AUTS2: variants seen among roughly 807,000 people sequenced by gnomAD.
The protein encoded by AUTS2 is autism susceptibility gene 2 protein.
A neutral mutation model predicts 112.4 loss-of-function variants in AUTS2; 17 were observed. The ratio of observed to expected loss-of-function variants is 0.15; its 90% CI spans 0.10 to 0.23. AUTS2 has a LOEUF of 0.23. AUTS2 is among the 10% of genes least tolerant of loss of function. The pLI is 1.00. For missense variants in AUTS2, 1,510 were observed against 1,701.6 expected (o/e 0.89, Z 1.98); for synonymous variants, 751 against 702.7 (o/e 1.07, Z -1.09).
intron 1 of AUTS2, among the ~76,000 whole-genome samples, chr7:69,839,997 T>C (rs974934721): frequency 1.3e-5 from 2 of 152,102 alleles, no homozygotes; most frequent in Non-Finnish European, 2.9e-5. Context: ...TGGGAACTTA[T>C]TAGAAAGGCA....
At chr7:69,883,924 G>T (rs533471075) in intron 1 of AUTS2, among the ~76,000 whole-genome samples, 7 of 152,228 alleles carry the variant, frequency 4.6e-5, no homozygotes, top group Non-Finnish European at 1.0e-4. Flanking sequence ...GCTGTGATGG[G>T]GATTTCACTT....
intron 2 of AUTS2, among the ~76,000 whole-genome samples, chr7:70,005,383 G>C (rs1799501126): frequency 6.6e-6 from 1 of 152,118 alleles, no homozygotes; most frequent in Admixed American, 6.6e-5. Context: ...TTCATACTTT[G>C]AATTGCTAGT....
chr7:70,223,311 G>T (rs150632622), intron 4 of AUTS2, among the ~76,000 whole-genome samples: 1 of 152,052 alleles, frequency 6.6e-6, no homozygotes, highest in Non-Finnish European at 1.5e-5. Flanking sequence ...ATAGTAGTTC[G>T]GTTTACATTC....
chr7:69,920,932 C>G (rs1297990456), intron 2 of AUTS2, among the ~76,000 whole-genome samples: 2 of 152,198 alleles, frequency 1.3e-5, no homozygotes, highest in Admixed American at 1.3e-4. Context: ...AAAAAATACT[C>G]TTGGAAAAGT....
chr7:70,615,939 T>C (rs1298667535), intron 5 of AUTS2, among the ~76,000 whole-genome samples: 1 of 152,046 alleles, frequency 6.6e-6, no homozygotes, highest in Non-Finnish European at 1.5e-5. Context: ...GAGGTAGGGT[T>C]TTGCCATGTT....
chr7:69,630,120 A>G (rs950669251), intron 1 of AUTS2, among the ~76,000 whole-genome samples: 4 of 152,120 alleles, frequency 2.6e-5, no homozygotes, highest in African/African-American at 4.8e-5. Flanking sequence ...AGCCAGGCGT[A>G]GTGGTGCACA....
intron 1 of AUTS2, among the ~76,000 whole-genome samples, chr7:69,710,096 CCCTATTGTCAAAAAA>C (rs1196801845): frequency 6.6e-6 from 1 of 152,088 alleles, no homozygotes; most frequent in Non-Finnish European, 1.5e-5. Context: ...TTTTCTAGCT[CCCTATTGTCAAAAAA>C]CAAAGCAAAA....
At chr7:70,519,102 G>T (rs973086598) in intron 5 of AUTS2, among the ~76,000 whole-genome samples, 1 of 152,070 alleles carries the variant, frequency 6.6e-6, no homozygotes, top group African/African-American at 2.4e-5. Context: ...TACACTGTTT[G>T]CTCTTTCTTT....
At chr7:69,736,802 T>C (rs1206547443) in intron 1 of AUTS2, among the ~76,000 whole-genome samples, 3 of 152,312 alleles carry the variant, frequency 2.0e-5, no homozygotes, top group South Asian at 2.1e-4. Context: ...GACTTTTTTT[T>C]CCCTAGGGAG....
chr7:69,843,801 T>A (rs1327268217), intron 1 of AUTS2, among the ~76,000 whole-genome samples: 1 of 152,188 alleles, frequency 6.6e-6, no homozygotes, highest in African/African-American at 2.4e-5. Context: ...TGTGTCCATT[T>A]TAGAGAAGAG....
In AUTS2 at chr7:70,410,679, C is replaced by T. The variant is rs182748230; in HGVS notation, c.661-25073C>T. Among the ~76,000 whole-genome samples the T allele has an allele frequency of 6.3e-3, 951 of 151,770 alleles. 7 individuals carry two copies. The highest frequency in any genetic ancestry group is 9.0e-3 in the Non-Finnish European group (609 of 67,964). Reference sequence around the variant, plus strand: ...CAAGTGATCCGCCCTCCTCAGCCTCCAAAAGTGCCAGGATTACAAGCGTGA... The same window carrying T: ...CAAGTGATCCGCCCTCCTCAGCCTCTAAAAGTGCCAGGATTACAAGCGTGA... On this transcript the variant is annotated intron_variant, in intron 4 of 18. Transcript: ENST00000342771.
chr7:69,799,177 T>A (rs1444846153), intron 1 of AUTS2, among the ~76,000 whole-genome samples: 1 of 152,128 alleles, frequency 6.6e-6, no homozygotes, highest in East Asian at 1.9e-4. Context: ...GAGTTAAGTC[T>A]GTACCACCAG....
intron 2 of AUTS2, among the ~76,000 whole-genome samples, chr7:70,114,582 T>C (rs1805260286): frequency 6.6e-6 from 1 of 152,106 alleles, no homozygotes; most frequent in African/African-American, 2.4e-5. Context: ...CACCTGAGGT[T>C]GGGGGTTTGA....
At chr7:69,842,683 A>G (rs1029184683) in intron 1 of AUTS2, among the ~76,000 whole-genome samples, 2 of 152,092 alleles carry the variant, frequency 1.3e-5, no homozygotes, top group African/African-American at 4.8e-5. Flanking sequence ...TATTTTACCT[A>G]TTTGGGTGTG....
At chr7:70,523,838 C>T (rs1353615072) in intron 5 of AUTS2, among the ~76,000 whole-genome samples, 2 of 152,140 alleles carry the variant, frequency 1.3e-5, no homozygotes, top group Non-Finnish European at 2.9e-5. Context: ...GCACTCCAGG[C>T]GAAAACCGGT....
intron 1 of AUTS2, among the ~76,000 whole-genome samples, chr7:69,753,148 A>T (rs888035670): frequency 6.6e-6 from 1 of 152,148 alleles, no homozygotes; most frequent in Non-Finnish European, 1.5e-5. Flanking sequence ...TGGAAAACTT[A>T]AATGTGATCA....
At chr7:70,027,916 CTATT>C (rs1350165122) in intron 2 of AUTS2, among the ~76,000 whole-genome samples, 1 of 151,984 alleles carries the variant, frequency 6.6e-6, no homozygotes. Flanking sequence ...CAGTAAGAAA[CTATT>C]TAGGGTGGAG....
In AUTS2 at chr7:69,880,023, A is replaced by G. The variant is rs1017142787; in HGVS notation, c.310-19263A>G. Among the ~76,000 whole-genome samples, 12 of 152,304 alleles carry G rather than the reference A, an allele frequency of 7.9e-5. No homozygotes were observed. The East Asian group carries it at 2.3e-3, about 29-fold the overall frequency. ...TACAAAGAACTAACTGAGACTGGGTAACTTATAAAGAAAAGAGGTTTAATT... is the reference window on the plus strand; with the variant it reads ...TACAAAGAACTAACTGAGACTGGGTGACTTATAAAGAAAAGAGGTTTAATT... On this transcript the variant is annotated intron_variant, in intron 1 of 18. Coordinates refer to ENST00000342771, the MANE Select transcript of AUTS2 (RefSeq NM_015570.4).
At chr7:70,670,388 CAG>C (rs1296497910) in intron 5 of AUTS2, among the ~76,000 whole-genome samples, 2 of 152,122 alleles carry the variant, frequency 1.3e-5, no homozygotes, top group Non-Finnish European at 2.9e-5. Context: ...TGTCAGAAAA[CAG>C]AAAGTGTTGA....
Sources: allele counts gnomAD v4.1 joint callset (sites outside exome capture counted in the v4.1 genomes callset), GRCh38; gene constraint gnomAD v4.1.1; transcripts MANE v1.5; gene names NCBI Gene and HGNC (gene_info 2026-07-23, HGNC 2026-07-21).